NAV2: variants seen among roughly 807,000 people sequenced by gnomAD.
The protein encoded by NAV2 is neuron navigator 2.
Under a neutral mutation model 223.2 loss-of-function variants are expected in NAV2, and 54 were observed. The ratio of observed to expected loss-of-function variants is 0.24; its 90% CI spans 0.19 to 0.30. The LOEUF (loss-of-function observed/expected upper bound fraction) is 0.30. Among genes scored for constraint, NAV2 ranks in the 10% least tolerant of loss-of-function variants. NAV2 has a pLI of 1.00. For missense variants in NAV2, 2,806 were observed against 3,147.5 expected (o/e 0.89, Z 2.60); for synonymous variants, 1,279 against 1,239.3 (o/e 1.03, Z -0.67).
chr11:19,929,017 G>A (rs2045060413), intron 6 of NAV2, among the ~76,000 whole-genome samples: 1 of 152,142 alleles, frequency 6.6e-6, no homozygotes. Context: ...CACTTTGGGA[G>A]GCTGAAGTGG....
At chr11:19,526,264 C>A (rs985527074) in intron 1 of NAV2, among the ~76,000 whole-genome samples, 1 of 152,188 alleles carries the variant, frequency 6.6e-6, no homozygotes, top group Admixed American at 6.5e-5. Context: ...GTGTTTTCTT[C>A]TCCCCTGCAG....
chr11:19,700,106 G>A (rs910971599), intron 1 of NAV2, among the ~76,000 whole-genome samples: 1 of 152,196 alleles, frequency 6.6e-6, no homozygotes, highest in East Asian at 1.9e-4. Flanking sequence ...ACTGTGGCTT[G>A]AATACTTAAT....
At chr11:19,900,144 A>G (rs1483647931) in intron 6 of NAV2, among the ~76,000 whole-genome samples, 2 of 152,186 alleles carry the variant, frequency 1.3e-5, no homozygotes, top group Admixed American at 6.5e-5. Flanking sequence ...GGCATCATTG[A>G]ATTTAAAGAA....
intron 1 of NAV2, among the ~76,000 whole-genome samples, chr11:19,822,293 G>A (rs1426586614): frequency 1.3e-5 from 2 of 152,190 alleles, no homozygotes; most frequent in Non-Finnish European, 2.9e-5. Flanking sequence ...AGCATGTTTG[G>A]AACTAAATTA....
intron 1 of NAV2, among the ~76,000 whole-genome samples, chr11:19,762,170 A>G (rs962690715): frequency 6.6e-6 from 1 of 152,136 alleles, no homozygotes; most frequent in Non-Finnish European, 1.5e-5. Context: ...TGGAACCCGG[A>G]AGGTGGAGGC....
chr11:20,008,523 G>T (rs1191872187), intron 11 of NAV2, among the ~76,000 whole-genome samples: 1 of 152,162 alleles, frequency 6.6e-6, no homozygotes, highest in Non-Finnish European at 1.5e-5. Context: ...CAGCAAACAA[G>T]CATGCTTGCC....
chr11:19,439,004 G>A (rs529319061), intron 1 of NAV2, among the ~76,000 whole-genome samples: 13 of 152,242 alleles, frequency 8.5e-5, no homozygotes, highest in African/African-American at 3.1e-4. Flanking sequence ...TTGGGGAGTG[G>A]AGAGGGCTGA....
Position 19,998,750 on chromosome 11 carries a change from C to T in NAV2, c.2768+14503C>T, listed in dbSNP as rs964373545. ...CCTTATAAGCCTGGCTTATTCTCTT[C>T]CTTCAGGTCTCAACTCAAACTTCAC... On this transcript the variant is annotated intron_variant, in intron 11 of 37. Coordinates refer to ENST00000349880, the MANE Select transcript of NAV2 (RefSeq NM_145117.5). The surrounding 1 kb of genome is among the most constrained non-coding windows in gnomAD (Gnocchi z 5.0). 6.6e-6 allele frequency among the ~76,000 whole-genome samples: 1 copy of T among 152,168 alleles called. No homozygotes were observed. Among genetic ancestry groups the T allele is most frequent in the Non-Finnish European group, 1.5e-5 (1 of 68,044 alleles).
intron 3 of NAV2, among the ~76,000 whole-genome samples, chr11:19,862,199 CTT>C (rs2153023158): frequency 6.6e-6 from 1 of 152,234 alleles, no homozygotes. Context: ...CAGAGAAACT[CTT>C]AAAAAGTTTT....
chr11:20,011,050 C>T (rs1212172052), intron 11 of NAV2, among the ~76,000 whole-genome samples: 3 of 152,204 alleles, frequency 2.0e-5, no homozygotes, highest in African/African-American at 7.2e-5. Context: ...GCCTATGCAT[C>T]TTCAGGATCA....
chr11:19,935,897 G>A (rs1292754452), intron 7 of NAV2, among the ~76,000 whole-genome samples: 3 of 118,296 alleles, frequency 2.5e-5, no homozygotes, highest in Non-Finnish European at 4.8e-5. Context: ...TCGCTCTATC[G>A]CCATGGCTGG....
At chr11:19,670,602 G>A (rs560983065) in intron 1 of NAV2, among the ~76,000 whole-genome samples, 46 of 152,330 alleles carry the variant, frequency 3.0e-4, no homozygotes, top group African/African-American at 1.0e-3. Context: ...GCCAGGAGAA[G>A]AGGACTGCTG....
intron 12 of NAV2, among the ~76,000 whole-genome samples, chr11:20,041,217 G>A (rs531660057): frequency 9.2e-5 from 14 of 152,282 alleles, no homozygotes; most frequent in African/African-American, 3.1e-4. Flanking sequence ...TCCTTAGGGA[G>A]GGCAGTGTGG....
intron 1 of NAV2, among the ~76,000 whole-genome samples, chr11:19,449,238 T>A (rs1344549975): frequency 6.6e-6 from 1 of 151,758 alleles, no homozygotes; most frequent in African/African-American, 2.4e-5. Flanking sequence ...GTGATATAAG[T>A]GATGTAGAGG....
At chr11:20,042,932 C>T (rs1362006688) in intron 12 of NAV2, among the ~76,000 whole-genome samples, 6 of 152,152 alleles carry the variant, frequency 3.9e-5, no homozygotes, top group Admixed American at 1.3e-4. Context: ...AGATCATTAA[C>T]GTCACACTTC....
At chr11:19,777,130 C>A (rs1243414274) in intron 1 of NAV2, among the ~76,000 whole-genome samples, 1 of 150,662 alleles carries the variant, frequency 6.6e-6, no homozygotes, top group Middle Eastern at 3.3e-3. Context: ...GCCGCGGCCC[C>A]AGCGGCCTCC....
chr11:20,077,481 A>G, intron 22 of NAV2, 71 bp from the exon 23 acceptor site: 1 of 1,220,784 alleles, frequency 8.2e-7, no homozygotes, highest in East Asian at 2.3e-5. Flanking sequence ...TTTCATCTTT[A>G]AGAGCCAGAC....
intron 1 of NAV2, among the ~76,000 whole-genome samples, chr11:19,799,116 A>G (rs1179127822): frequency 2.0e-5 from 3 of 152,214 alleles, no homozygotes; most frequent in Admixed American, 6.5e-5. Flanking sequence ...GAAGAGTGGC[A>G]TGAAGCAACT....
At chr11:20,096,513 C>A (rs546272435) in intron 30 of NAV2, among the ~76,000 whole-genome samples, 4 of 152,254 alleles carry the variant, frequency 2.6e-5, no homozygotes, top group African/African-American at 9.6e-5. Flanking sequence ...CTTATATTAT[C>A]CCATTTAAAG....
Sources: allele counts gnomAD v4.1 joint callset (sites outside exome capture counted in the v4.1 genomes callset), GRCh38; gene constraint gnomAD v4.1.1; non-coding constraint Gnocchi (gnomAD v3.1); transcripts MANE v1.5; gene names NCBI Gene and HGNC (gene_info 2026-07-23, HGNC 2026-07-21).